The following FMNL1 variants were observed in gnomAD, a reference collection of about 807,000 sequenced individuals.
The protein encoded by FMNL1 is formin like 1.
A neutral mutation model predicts 121.3 loss-of-function variants in FMNL1; 43 were observed. That is an observed-to-expected ratio of 0.35 (90% CI 0.28 to 0.46). The LOEUF (loss-of-function observed/expected upper bound fraction) is 0.46, where lower values mean the gene tolerates loss of function less well. FMNL1 is among the 20% of genes least tolerant of loss of function. The pLI is 1.00. For missense variants in FMNL1, 1,191 were observed against 1,482.4 expected, an observed-to-expected ratio of 0.80 and a Z score of 3.23; for synonymous variants, 613 against 613.5, an observed-to-expected ratio of 1.00 and a Z score of 0.01.
Position 45,241,020 on chromosome 17 carries a change from T to G in FMNL1, c.1231-109T>G. The G allele has an allele frequency of 7.2e-7, 1 of 1,383,470 alleles. No individual in the cohort carries two copies. The highest frequency in any genetic ancestry group is 1.0e-6 in the Non-Finnish European group (1 of 992,084). 85.7% of individuals were successfully genotyped at this position (1,383,470 alleles called of 1,614,324 possible). A position where few individuals can be genotyped will look rare whatever the true frequency, so the allele number is the denominator to read the frequency against. On this transcript the variant is annotated intron_variant, in intron 12 of 26. Coordinates refer to ENST00000331495, the MANE Select transcript of FMNL1 (RefSeq NM_005892.4). This position sits in a 1 kb window ranked among gnomAD's most constrained non-coding sequence, Gnocchi z 7.0. ...ACCCTTGGCACCTGGGCTGAGCGGA[T>G]CTGGGAGCCTCCCCCAGTCTTCCAG...
chr17:45,247,159 T>C lies in FMNL1; in HGVS notation c.*301T>C. On this transcript the variant is annotated 3_prime_UTR_variant, in exon 27 of 27. Transcript: ENST00000331495. The stretch of plus-strand genomic sequence containing the variant: ...CCCGCCCCTTCCCCCAAATGCTGCT[T>C]GCAGCACCCACCCTAAAGCCCCCTC... 1 of 580,378 alleles carries C rather than the reference T, an allele frequency of 1.7e-6. No individual in the cohort carries two copies. Among genetic ancestry groups the C allele is most frequent in the Non-Finnish European group, 3.1e-6 (1 of 323,858 alleles). The allele number at this position is 580,378 out of a possible 1,614,324, so 36.0% of individuals were successfully genotyped here. A position where few individuals can be genotyped will look rare whatever the true frequency, so the allele number is the denominator to read the frequency against.
chr17:45,240,408 G>C (rs2043659133), intron 11 of FMNL1, 68 bp from the exon 12 acceptor site: 2 of 1,484,998 alleles, frequency 1.3e-6, no homozygotes, highest in Non-Finnish European at 9.0e-7. Context: ...TGGCAGGGGG[G>C]TGGTTTGGAA....
chr17:45,237,412 C>T lies in FMNL1; in HGVS notation c.800+55C>T, dbSNP rs2043575241. On this transcript the variant is annotated intron_variant, in intron 8 of 26. Transcript: ENST00000331495. The surrounding 1 kb of genome is among the most constrained non-coding windows in gnomAD (Gnocchi z 4.4). ...TATCTAGAGTCTTCTCCTACTTAGC[C>T]CCTTGCTTACTCTGTCCTCCAGGTC... is the stretch of plus-strand genomic sequence containing the variant. 3.1e-6 allele frequency: 5 copies of T among 1,611,012 alleles called. No individual in the cohort carries two copies. The highest frequency in any genetic ancestry group is 4.2e-6 in the Non-Finnish European group (5 of 1,177,280).
Position 45,222,071 on chromosome 17 carries a change from G to A in FMNL1, c.-54G>A, listed in dbSNP as rs1167133054. 4.4e-6 allele frequency: 5 copies of A among 1,131,778 alleles called. No individual in the cohort carries two copies. Among genetic ancestry groups the A allele is most frequent in the East Asian group, 4.6e-5 (1 of 21,658 alleles). The allele number at this position is 1,131,778 out of a possible 1,614,324, so 70.1% of individuals were successfully genotyped here. On this transcript the variant is annotated 5_prime_UTR_variant, in exon 1 of 27. Transcript: ENST00000331495. Reference sequence around the variant, plus strand: ...GCCGGGAGCCTCGTCCCCGTCCCCCGGAAAGCTGGATTTCCGAGGCTGGAG... The same window carrying A: ...GCCGGGAGCCTCGTCCCCGTCCCCCAGAAAGCTGGATTTCCGAGGCTGGAG...
Position 45,246,536 on chromosome 17 carries a change from C to G in FMNL1, c.3243C>G (p.Thr1081=). The part of the protein sequence containing the change: ...VIKTVPFTAR[T]GKRTSRLLCE... ...AGACGGTGCCCTTCACGGCCCGCAC[C>G]GGCAAGCGGACATCCCGGCTCCTCT... is the stretch of plus-strand genomic sequence containing the variant. The change falls in exon 26 of 27, where the codon ACC becomes ACG. Residue 1081 remains threonine (T), a synonymous_variant. Coordinates refer to ENST00000331495, the MANE Select transcript of FMNL1 (RefSeq NM_005892.4). The G allele has an allele frequency of 1.2e-6, 2 of 1,613,912 alleles. No homozygotes were observed. Among genetic ancestry groups the G allele is most frequent in the Non-Finnish European group, 8.5e-7 (1 of 1,179,776 alleles).
rs966340815 is a variant in FMNL1, at chr17:45,234,078, C to T, written c.492C>T (p.Asp164=). ...LAFAQCSVTY[D]MESTDNGASN... is the part of the protein sequence containing the mutation. The stretch of plus-strand genomic sequence containing the variant: ...CATTGCATCCTGTCCCCAGGTATGA[C>T]ATGGAGAGCACAGACAACGGGGCTT... The change falls in exon 6 of 27, where the codon GAC becomes GAT. Residue 164 remains aspartate, a synonymous_variant. Coordinates refer to ENST00000331495, the MANE Select transcript of FMNL1 (RefSeq NM_005892.4). 6.2e-7 allele frequency: 1 copy of T among 1,614,084 alleles called. No homozygotes were observed. Among genetic ancestry groups the T allele is most frequent in the Non-Finnish European group, 8.5e-7 (1 of 1,180,024 alleles).
intron 9 of FMNL1, 179 bp from the exon 10 acceptor site, chr17:45,238,385 G>A: frequency 1.6e-6 from 1 of 618,078 alleles, no homozygotes; most frequent in Non-Finnish European, 2.8e-6. Flanking sequence ...TGTGGCCAGA[G>A]TGGAAAAAGT....
rs1216414772 is a variant in FMNL1, at chr17:45,230,681, T to C, written c.207T>C (p.Cys69=). 6.2e-7 allele frequency: 1 copy of C among 1,613,768 alleles called. No homozygotes were observed. The highest frequency in any genetic ancestry group is 1.1e-5 in the South Asian group (1 of 91,076). ...ACGAGAAGAAGTGGGAGCTCATCTG[T>C]GATCAGGTAGGTGCCAGCACTGCCC... ...YDNEKKWELI[C]DQERFQVKNP... Residue 69 remains cysteine, a synonymous_variant, in exon 2 of 27, where the codon TGT becomes TGC. Transcript: ENST00000331495.
intron 6 of FMNL1, chr17:45,234,584 A>G: frequency 3.3e-6 from 1 of 304,622 alleles, no homozygotes; most frequent in South Asian, 2.7e-5. Flanking sequence ...GAATCGCTGG[A>G]GCCCAGGGGA....
chr17:45,222,277 C>T, intron 1 of FMNL1, 24 bp downstream of exon 1: 1 of 1,162,006 alleles, frequency 8.6e-7, no homozygotes, highest in Non-Finnish European at 1.1e-6. Context: ...GGAGGCGGGT[C>T]GGGCGCGGGC....
chr17:45,245,605 TG>T, intron 22 of FMNL1, 26 bp from the exon 23 acceptor site: 1 of 1,613,042 alleles, frequency 6.2e-7, no homozygotes. Context: ...AGGTCTAAGC[TG>T]GGGGGCTGAC....
At chr17:45,236,040 C>T in intron 6 of FMNL1, 96 bp from the exon 7 acceptor site, 1 of 996,040 alleles carries the variant, frequency 1.0e-6, no homozygotes, top group Non-Finnish European at 1.5e-6. Context: ...CGTCAGGTTC[C>T]AGATGTGCCT....
intron 2 of FMNL1, 52 bp from the exon 3 acceptor site, chr17:45,232,315 G>A: frequency 6.5e-7 from 1 of 1,542,638 alleles, no homozygotes; most frequent in South Asian, 1.1e-5. Context: ...CTGGTCATTT[G>A]CCCTGGGGTA....
intron 9 of FMNL1, 156 bp from the exon 10 acceptor site, chr17:45,238,408 G>A: frequency 2.9e-6 from 2 of 684,092 alleles, no homozygotes; most frequent in Non-Finnish European, 5.0e-6. Flanking sequence ...GGGAGAGTGG[G>A]AGATTGAGAG....
rs2043416853 is a variant in FMNL1, at chr17:45,230,508, C to T, written c.130-96C>T. 5 of 1,124,190 alleles carry T rather than the reference C, an allele frequency of 4.4e-6. No individual in the cohort carries two copies. The East Asian group carries it at 1.2e-4, about 27-fold the overall frequency. 69.6% of individuals were successfully genotyped at this position (1,124,190 alleles called of 1,614,324 possible). Reference sequence around the variant, plus strand: ...GAGGATTCATGGGGGTGATGCACCTCCTAGGGAGCCAAGTGGGTTTCCCCC... The same window carrying T: ...GAGGATTCATGGGGGTGATGCACCTTCTAGGGAGCCAAGTGGGTTTCCCCC... On this transcript the variant is annotated intron_variant, in intron 1 of 26. Transcript: ENST00000331495.
rs1265611166 is a variant in FMNL1 at position 45,245,085 on chromosome 17, A to G, written c.2705A>G (p.His902Arg). The change falls in exon 21 of 27, where the codon CAC becomes CGC. Residue 902 changes from histidine (H) to arginine (R), a missense_variant. By Grantham distance (29) the His-to-Arg change is conservative. This residue lies in a region of FMNL1 where 367 missense variants were observed against 528.6 expected (regional missense o/e 0.69). Transcript: ENST00000331495. ...CTCACAGGCTTCCACAGCGACCTGC[A>G]CTTCCTGGACAAGGCGGGCTCAGGT... ...PQLTGFHSDL[H>R]FLDKAGSVSL... The G allele has an allele frequency of 4.3e-6, 7 of 1,614,142 alleles. No individual in the cohort carries two copies. Among genetic ancestry groups the G allele is most frequent in the Non-Finnish European group, 8.5e-7 (1 of 1,180,010 alleles).
At chr17:45,239,858 C>G (rs1026529719) in intron 11 of FMNL1, among the ~76,000 whole-genome samples, 23 of 148,640 alleles carry the variant, frequency 1.5e-4, no homozygotes, top group African/African-American at 5.6e-4. Flanking sequence ...TGCAGTGACA[C>G]GATCTTGGCT....
Position 45,243,205 on chromosome 17 carries a change from G to GC in FMNL1, c.2101dup (p.Gln701ProfsTer11). 2 of 1,614,216 alleles carry GC rather than the reference G, an allele frequency of 1.2e-6. No individual in the cohort carries two copies. Among genetic ancestry groups the GC allele is most frequent in the Non-Finnish European group, 1.7e-6 (2 of 1,180,038 alleles). On this transcript the variant is annotated frameshift_variant, in exon 17 of 27. Coordinates refer to ENST00000331495, the MANE Select transcript of FMNL1 (RefSeq NM_005892.4). LOFTEE classifies it high-confidence loss of function. ...CCTCAGCGCTCTCAAGAGTAAGGCA[G>GC]CCCAGAAGGCCCCCAGCAAGGCGAC...
At position 45,221,989 on chromosome 17, in the gene FMNL1, C is replaced by T; in HGVS notation, c.-136C>T. The T allele has an allele frequency of 1.6e-6, 1 of 630,396 alleles. No homozygotes were observed. The allele number at this position is 630,396 out of a possible 1,614,324, so 39.1% of individuals were successfully genotyped here. ...CTGCGCGCCGCTGAGCCGAGCGCCC[C>T]CCGCTGCCGAGACCCCCGCCGCCAC... On this transcript the variant is annotated 5_prime_UTR_variant, in exon 1 of 27. Transcript: ENST00000331495.
Sources: gnomAD v4.1 joint callset for allele counts (sites outside exome capture counted in the v4.1 genomes callset) on GRCh38, gnomAD v4.1.1 for gene constraint, gnomAD v4.1.1 regional missense constraint, Gnocchi (gnomAD v3.1) non-coding constraint, MANE v1.5 for transcripts, NCBI Gene and HGNC (gene_info 2026-07-23, HGNC 2026-07-21) for gene names.